KANSL1: variants seen among roughly 807,000 people sequenced by gnomAD.
KANSL1 encodes KAT8 regulatory NSL complex subunit 1, also known as MLL1/MLL complex subunit KANSL1.
In KANSL1, 22 loss-of-function variants were observed where a neutral mutation model predicts 103.6. The ratio of observed to expected loss-of-function variants is 0.21; its 90% confidence interval spans 0.15 to 0.30. The LOEUF (loss-of-function observed/expected upper bound fraction) is 0.30, where lower values mean the gene tolerates loss of function less well. Ranked by LOEUF, KANSL1 falls within the 10% of genes least tolerant of loss-of-function variation. KANSL1 has a pLI of 1.00. For missense variants in KANSL1, 1,337 were observed against 1,399.8 expected, an observed-to-expected ratio of 0.96 and a Z score of 0.72; for synonymous variants, 600 against 527.6, an observed-to-expected ratio of 1.14 and a Z score of -1.88.
At chr17:46,194,770 T>C (rs2047549436), upstream of KANSL1, among the ~76,000 whole-genome samples, 1 of 152,202 alleles carries the variant, frequency 6.6e-6, no homozygotes, top group African/African-American at 2.4e-5. Flanking sequence ...CCAGAACCAA[T>C]ATCCGGCATT....
intron 1 of KANSL1, among the ~76,000 whole-genome samples, chr17:46,187,400 A>C (rs1241239967): frequency 1.3e-5 from 2 of 152,264 alleles, no homozygotes; most frequent in Non-Finnish European, 2.9e-5. Context: ...TGCTGTAATT[A>C]AAATTCAGAG....
upstream of KANSL1, chr17:46,196,708 T>A: frequency 7.7e-6 from 2 of 260,840 alleles, no homozygotes; most frequent in African/African-American, 2.3e-5. Context: ...ATATAATAAA[T>A]GAAGTCAAAA....
chr17:46,143,803 C>CAAAAAAAAAAAAAAA (rs57361021), intron 2 of KANSL1, among the ~76,000 whole-genome samples: 936 of 85,394 alleles, frequency 0.011, no homozygotes, highest in Non-Finnish European at 0.015. Context: ...GACTCCATCT[C>CAAAAAAAAAAAAAAA]AAAAAAAAAA....
chr17:46,214,576 C>T (rs1456411124), intron 1 of KANSL1, among the ~76,000 whole-genome samples: 2 of 152,254 alleles, frequency 1.3e-5, no homozygotes, highest in Non-Finnish European at 2.9e-5. Context: ...ATCACTTCAA[C>T]CTGGGAGGCA....
chr17:46,182,186 G>A (rs958991640), intron 1 of KANSL1, among the ~76,000 whole-genome samples: 2 of 152,128 alleles, frequency 1.3e-5, no homozygotes, highest in South Asian at 2.1e-4. Flanking sequence ...AAGGCCTCGT[G>A]GGGGTTGCCC....
At chr17:46,114,513 T>C (rs1184047955) in intron 2 of KANSL1, among the ~76,000 whole-genome samples, 1 of 152,250 alleles carries the variant, frequency 6.6e-6, no homozygotes, top group East Asian at 1.9e-4. Flanking sequence ...CTTAGACTAC[T>C]ATCAAATTCT....
intron 4 of KANSL1, among the ~76,000 whole-genome samples, chr17:46,078,003 A>G (rs987829171): frequency 5.3e-5 from 8 of 151,722 alleles, no homozygotes; most frequent in African/African-American, 1.7e-4. Flanking sequence ...GTAATTTTCT[A>G]TTATATACAG....
At chr17:46,167,150 GA>G (rs912598289) in intron 2 of KANSL1, among the ~76,000 whole-genome samples, 3 of 150,956 alleles carry the variant, frequency 2.0e-5, no homozygotes, top group East Asian at 3.9e-4. Context: ...AGAATTTCTG[GA>G]AAAAAAATAT....
At chr17:46,073,374 T>C (rs979202578) in intron 4 of KANSL1, among the ~76,000 whole-genome samples, 6 of 152,186 alleles carry the variant, frequency 3.9e-5, no homozygotes, top group African/African-American at 9.7e-5. Flanking sequence ...TACTTGTTAA[T>C]TGCCATAGAA....
chr17:46,158,006 C>A (rs1055917252), intron 2 of KANSL1, among the ~76,000 whole-genome samples: 2 of 152,242 alleles, frequency 1.3e-5, no homozygotes, highest in Admixed American at 1.3e-4. Flanking sequence ...CTCTCAAGAC[C>A]TGAAGAAAAT....
At chr17:46,095,520 A>G (rs759576635) in intron 2 of KANSL1, among the ~76,000 whole-genome samples, 18 of 152,238 alleles carry the variant, frequency 1.2e-4, no homozygotes, top group Non-Finnish European at 2.2e-4. Context: ...CAAACTACTC[A>G]ATAAATAGTA....
chr17:46,169,109 G>GTGTT (rs2147710151), intron 2 of KANSL1, among the ~76,000 whole-genome samples: 1 of 152,324 alleles, frequency 6.6e-6, no homozygotes, highest in East Asian at 1.9e-4. Context: ...TTTAACTACA[G>GTGTT]TGTTTATTAT....
At chr17:46,157,339 TAGTC>T (rs904687711) in intron 2 of KANSL1, among the ~76,000 whole-genome samples, 4 of 152,198 alleles carry the variant, frequency 2.6e-5, no homozygotes, top group African/African-American at 7.2e-5. Context: ...TTCCCTAAAT[TAGTC>T]AGCCAATCTT....
At chr17:46,204,552 G>A (rs989737390) in intron 1 of KANSL1, among the ~76,000 whole-genome samples, 76 of 152,204 alleles carry the variant, frequency 5.0e-4, no homozygotes, top group African/African-American at 1.7e-3. Context: ...AATGTTCAAA[G>A]TTCAACCAAA....
intron 4 of KANSL1, among the ~76,000 whole-genome samples, chr17:46,071,889 C>T (rs929588125): frequency 6.6e-6 from 1 of 152,142 alleles, no homozygotes; most frequent in East Asian, 1.9e-4. Flanking sequence ...CCTCTGTAAT[C>T]CCCTCCTCTC....
chr17:46,046,829 T>C (rs1007297556), intron 7 of KANSL1, among the ~76,000 whole-genome samples: 2 of 123,772 alleles, frequency 1.6e-5, no homozygotes, highest in African/African-American at 6.1e-5. Flanking sequence ...AGAGCAAAAC[T>C]GTCTCAAAAG....
At chr17:46,154,138 G>GA (rs2045284947) in intron 2 of KANSL1, among the ~76,000 whole-genome samples, 2 of 152,188 alleles carry the variant, frequency 1.3e-5, no homozygotes, top group African/African-American at 4.8e-5. Flanking sequence ...AAAGTAAGGG[G>GA]AAAAAGACAA....
chr17:46,122,574 C>T (rs2043328801), intron 2 of KANSL1, among the ~76,000 whole-genome samples: 1 of 152,142 alleles, frequency 6.6e-6, no homozygotes, highest in Admixed American at 6.5e-5. Context: ...CCTCATCAAG[C>T]AAGTAAAGCT....
chr17:46,135,690 C>T (rs540084534), intron 2 of KANSL1, among the ~76,000 whole-genome samples: 54 of 146,100 alleles, frequency 3.7e-4, no homozygotes, highest in African/African-American at 1.3e-3. Flanking sequence ...CCCCACCATG[C>T]CTGGCTTTTT....
Sources: allele counts gnomAD v4.1 joint callset (sites outside exome capture counted in the v4.1 genomes callset), GRCh38; gene constraint gnomAD v4.1.1; transcripts MANE v1.5; gene names NCBI Gene and HGNC (gene_info 2026-07-23, HGNC 2026-07-21).